LAMA3: variants seen among roughly 807,000 people sequenced by gnomAD.
LAMA3 encodes the protein laminin subunit alpha 3.
In LAMA3, 281 loss-of-function variants were observed where a neutral mutation model predicts 402.0. The ratio of observed to expected loss-of-function variants is 0.70; its 90% CI spans 0.63 to 0.77. LAMA3 has a LOEUF of 0.77. Ranked by LOEUF, LAMA3 falls within the 30% of genes least tolerant of loss-of-function variation. The probability of loss-of-function intolerance (pLI) is 0.00; values close to 1 mark genes in which losing one functional copy is unlikely to be tolerated. For missense variants in LAMA3, 3,840 were observed against 4,215.5 expected (o/e 0.91, Z 2.47); for synonymous variants, 1,431 against 1,558.4 (o/e 0.92, Z 1.93).
chr18:23,858,919 G>A, intron 34 of LAMA3, 90 bp downstream of exon 34: 2 of 1,365,678 alleles, frequency 1.5e-6, no homozygotes, highest in East Asian at 2.3e-5. Flanking sequence ...GGCCTGCAGT[G>A]TTTTAAAATT....
intron 40 of LAMA3, among the ~76,000 whole-genome samples, chr18:23,884,161 GT>G (rs1816196807): frequency 6.6e-6 from 1 of 151,402 alleles, no homozygotes; most frequent in African/African-American, 2.4e-5. Context: ...AAAATCAAGT[GT>G]AAAATATCAC....
chr18:23,702,198 G>A (rs1359957374), intron 1 of LAMA3, among the ~76,000 whole-genome samples: 1 of 152,040 alleles, frequency 6.6e-6, no homozygotes, highest in Non-Finnish European at 1.5e-5. Flanking sequence ...GAGAATGTGT[G>A]AAATAACTTC....
In LAMA3 at chr18:23,894,949, C is replaced by T. The variant is rs773721889; in HGVS notation, c.5504C>T (p.Thr1835Ile). 2.5e-6 allele frequency: 4 copies of T among 1,614,204 alleles called. No individual in the cohort carries two copies. The South Asian group carries it at 3.3e-5, about 13-fold the overall frequency. ...CVMTLLNDLA[T>I]MGEQLRLVKS... Reference sequence around the variant, plus strand: ...ATGACCCTCCTGAACGACCTGGCCACCATGGGCGAGCAGCTCCGCCTGGTC... The same window carrying T: ...ATGACCCTCCTGAACGACCTGGCCATCATGGGCGAGCAGCTCCGCCTGGTC... Residue 1835 changes from threonine (T) to isoleucine (I), a missense_variant, in exon 44 of 75, where the codon ACC becomes ATC. Around this residue, in one of 3 missense-constraint regions of LAMA3, gnomAD observed 891 missense variants for 857.5 expected, o/e 1.04. Coordinates refer to ENST00000313654, the MANE Select transcript of LAMA3 (RefSeq NM_198129.4).
At chr18:23,917,202 G>A (rs900082751) in intron 60 of LAMA3, among the ~76,000 whole-genome samples, 7 of 152,064 alleles carry the variant, frequency 4.6e-5, no homozygotes, top group African/African-American at 7.2e-5. Context: ...ACATGATCTC[G>A]TTCTTTTTTA....
chr18:23,811,876 T>C (rs187643201), intron 13 of LAMA3, among the ~76,000 whole-genome samples: 1 of 151,276 alleles, frequency 6.6e-6, no homozygotes, highest in African/African-American at 2.5e-5. Context: ...TTTTTGATTT[T>C]ATTTTATTTT....
chr18:23,947,797 C>T (rs1432567454), intron 70 of LAMA3, among the ~76,000 whole-genome samples: 1 of 149,546 alleles, frequency 6.7e-6, no homozygotes, highest in Non-Finnish European at 1.5e-5. Flanking sequence ...TTTTCTCAAC[C>T]TCTGTTCCTA....
Position 23,827,405 on chromosome 18 carries a change from C to G in LAMA3, c.2761C>G (p.Pro921Ala). 1 of 1,614,182 alleles carries G rather than the reference C, an allele frequency of 6.2e-7. No homozygotes were observed. The highest frequency in any genetic ancestry group is 8.5e-7 in the Non-Finnish European group (1 of 1,180,030). The change falls in exon 23 of 75, where the codon CCC (proline) becomes GCC (alanine). Residue 921 changes from proline to alanine, a missense_variant. Pro to Ala is a conservative substitution (Grantham distance 27, BLOSUM62 -1). Coordinates refer to ENST00000313654, the MANE Select transcript of LAMA3 (RefSeq NM_198129.4). Reference protein sequence around the residue: ...RHFLLDGEPRPVAVRQPTPAH... With the variant: ...RHFLLDGEPRAVAVRQPTPAH... ...CTTCCTGCTTGATGGGGAGCCAAGA[C>G]CCGTGGCAGTGAGGCAGCCCACACC...
At chr18:23,807,219 A>G (rs2062979248) in intron 12 of LAMA3, among the ~76,000 whole-genome samples, 1 of 152,156 alleles carries the variant, frequency 6.6e-6, no homozygotes, top group East Asian at 1.9e-4. Context: ...TCTTATGCCT[A>G]TAATTCCAGC....
In LAMA3 at chr18:23,833,809, T is replaced by C. The variant is rs1405231550; in HGVS notation, c.2824-19T>C. ...TGTCACAGCTGGATCACAGTCTGTC[T>C]GCTTGGCCTCTGTGACAGGTGGAAT... is the stretch of plus-strand genomic sequence containing the variant. On this transcript the variant is annotated intron_variant, in intron 23 of 74. Transcript: ENST00000313654. The C allele has an allele frequency of 1.6e-5, 25 of 1,612,324 alleles. No individual in the cohort carries two copies. Among genetic ancestry groups the C allele is most frequent in the Non-Finnish European group, 1.9e-5 (23 of 1,179,956 alleles).
intron 42 of LAMA3, 49 bp downstream of exon 42, chr18:23,890,166 A>G (rs1185142083): frequency 8.2e-7 from 1 of 1,212,722 alleles, no homozygotes. Flanking sequence ...AAGCTGGTAT[A>G]ACTTAACAGC....
chr18:23,853,002 T>A (rs12955083), intron 32 of LAMA3, among the ~76,000 whole-genome samples: 69,167 of 151,872 alleles, frequency 0.46, 18,546 homozygotes, highest in Non-Finnish European at 0.62. Context: ...CGCCTCATCA[T>A]CTCATTGGCC....
At chr18:23,705,765 AC>A (rs1268827275) in intron 1 of LAMA3, among the ~76,000 whole-genome samples, 1 of 151,974 alleles carries the variant, frequency 6.6e-6, no homozygotes, top group African/African-American at 2.4e-5. Context: ...CAATCCTCCC[AC>A]CTTGGCCTCC....
Position 23,851,316 on chromosome 18 carries a change from C to T in LAMA3, c.4136+3648C>T, listed in dbSNP as rs527890274. ...TCTCCTGTAATACTGGCATCTTCTT[C>T]TAACCTCTCTGATGATGCTTCTCTG... On this transcript the variant is annotated intron_variant, in intron 32 of 74. Transcript: ENST00000313654. 8.5e-5 allele frequency among the ~76,000 whole-genome samples: 13 copies of T among 152,340 alleles called. 1 individual carries two copies. The South Asian group carries it at 2.5e-3, about 29-fold the overall frequency.
At chr18:23,953,325 G>GTTTTTT (rs60412950) in intron 74 of LAMA3, among the ~76,000 whole-genome samples, 1 of 133,988 alleles carries the variant, frequency 7.5e-6, no homozygotes. Context: ...CTGTAATTTT[G>GTTTTTT]TTTTTTTTTT....
At chr18:23,758,837 C>G (rs776775851) in intron 7 of LAMA3, among the ~76,000 whole-genome samples, 1 of 152,032 alleles carries the variant, frequency 6.6e-6, no homozygotes, top group Admixed American at 6.5e-5. Flanking sequence ...TTTCATAGGA[C>G]GTGATACTGG....
At chr18:23,861,238 C>T (rs927244141) in intron 34 of LAMA3, among the ~76,000 whole-genome samples, 5 of 152,000 alleles carry the variant, frequency 3.3e-5, no homozygotes, top group East Asian at 1.9e-4. Flanking sequence ...TTTTGATGCT[C>T]CATTTAGAGA....
intron 25 of LAMA3, 121 bp from the exon 26 acceptor site, chr18:23,838,660 G>T: frequency 1.4e-6 from 1 of 705,618 alleles, no homozygotes; most frequent in East Asian, 2.7e-5. Context: ...TTAAAATAAC[G>T]ATTAGAATTA....
At position 23,904,686 on chromosome 18, in the gene LAMA3, G is replaced by A. The variant is rs1475964415; in HGVS notation, c.6607G>A (p.Ala2203Thr). ...ANRAASASES[A>T]LQTVIKEDLP... ...CAGGGCTGCCAGTGCATCTGAATCT[G>A]CCCTCCAGGTGGGCACCTGTACCAG... The change falls in exon 51 of 75, where the codon GCC (alanine) becomes ACC (threonine). Residue 2203 changes from alanine to threonine, a missense_variant. Transcript: ENST00000313654. 1 of 1,614,056 alleles carries A rather than the reference G, an allele frequency of 6.2e-7. No homozygotes were observed. Among genetic ancestry groups the A allele is most frequent in the Admixed American group, 1.7e-5 (1 of 60,016 alleles).
intron 12 of LAMA3, among the ~76,000 whole-genome samples, chr18:23,803,446 C>T (rs528104989): frequency 6.6e-6 from 1 of 152,292 alleles, no homozygotes; most frequent in South Asian, 2.1e-4. Context: ...ACAGAGGCTG[C>T]CGGGTATCCA....
Sources: allele counts gnomAD v4.1 joint callset (sites outside exome capture counted in the v4.1 genomes callset), GRCh38; gene constraint gnomAD v4.1.1; regional missense constraint gnomAD v4.1.1; transcripts MANE v1.5; gene names NCBI Gene and HGNC (gene_info 2026-07-23, HGNC 2026-07-21).